Variants in CPNE4 observed in about 807,000 individuals in gnomAD.
CPNE4 encodes the protein copine 4.
A neutral mutation model predicts 67.9 loss-of-function variants in CPNE4; 25 were observed. The ratio of observed to expected loss-of-function variants is 0.37; its 90% CI spans 0.27 to 0.51. The LOEUF is 0.51. Ranked by LOEUF, CPNE4 falls within the 20% of genes least tolerant of loss-of-function variation. CPNE4 has a pLI of 0.93. For missense variants in CPNE4, 464 were observed against 690.8 expected (o/e 0.67, Z 3.68); for synonymous variants, 242 against 244.9 (o/e 0.99, Z 0.11).
chr3:131,560,773 C>T (rs1006734031), intron 11 of CPNE4, among the ~76,000 whole-genome samples: 1 of 152,066 alleles, frequency 6.6e-6, no homozygotes, highest in Non-Finnish European at 1.5e-5. Flanking sequence ...AACACTGGGT[C>T]TCAACCCTGG....
chr3:131,874,734 A>C (rs1218354302), intron 2 of CPNE4, among the ~76,000 whole-genome samples: 2 of 152,258 alleles, frequency 1.3e-5, no homozygotes, highest in Non-Finnish European at 2.9e-5. Flanking sequence ...CACTGAAATC[A>C]TTTAATTACA....
chr3:131,799,904 G>A (rs1048188979), intron 2 of CPNE4, among the ~76,000 whole-genome samples: 1 of 80,428 alleles, frequency 1.2e-5, no homozygotes, highest in Non-Finnish European at 2.4e-5. Flanking sequence ...TTGTTGGTGC[G>A]TGTGTGTGTG....
chr3:131,756,287 G>T (rs1358629136), intron 2 of CPNE4, among the ~76,000 whole-genome samples: 1 of 152,110 alleles, frequency 6.6e-6, no homozygotes, highest in East Asian at 1.9e-4. Flanking sequence ...GAAAAGACTA[G>T]GTCTTTCTCA....
At chr3:131,779,538 C>A (rs76045759) in intron 2 of CPNE4, among the ~76,000 whole-genome samples, 2,732 of 152,154 alleles carry the variant, frequency 0.018, 37 homozygotes, top group Non-Finnish European at 0.029. Context: ...CATACACCTA[C>A]AACCATGTCA....
intron 2 of CPNE4, among the ~76,000 whole-genome samples, chr3:131,863,279 G>A (rs1424442160): frequency 6.6e-6 from 1 of 152,100 alleles, no homozygotes; most frequent in South Asian, 2.1e-4. Flanking sequence ...CTGAGGAATC[G>A]CCACACTGAC....
intron 7 of CPNE4, among the ~76,000 whole-genome samples, chr3:131,657,704 TTGTGTGTGTGTGTGTGTGTG>T (rs56890555): frequency 2.8e-5 from 4 of 140,858 alleles, no homozygotes; most frequent in African/African-American, 1.1e-4. Flanking sequence ...CCAGCTAATT[TTGTGTGTGTGTGTGTGTGTG>T]TGTGTGTGTG....
chr3:131,997,397 AT>A (rs1388897040), intron 1 of CPNE4, among the ~76,000 whole-genome samples: 1 of 152,136 alleles, frequency 6.6e-6, no homozygotes, highest in East Asian at 1.9e-4. Flanking sequence ...CTCCTGAGAA[AT>A]GGTCTACTTA....
At chr3:131,924,072 T>C (rs2070823315) in intron 1 of CPNE4, among the ~76,000 whole-genome samples, 1 of 152,160 alleles carries the variant, frequency 6.6e-6, no homozygotes, top group Non-Finnish European at 1.5e-5. Flanking sequence ...AGTGGCTACT[T>C]GCAGGGTCTT....
chr3:131,628,838 C>CA (rs536121601), intron 7 of CPNE4, among the ~76,000 whole-genome samples: 3,528 of 86,654 alleles, frequency 0.041, 37 homozygotes, highest in East Asian at 0.11. Flanking sequence ...TTGATCTTTT[C>CA]AAAAAAAACC....
intron 5 of CPNE4, among the ~76,000 whole-genome samples, chr3:131,689,145 C>T (rs776604576): frequency 7.9e-5 from 12 of 152,184 alleles, no homozygotes; most frequent in Non-Finnish European, 1.6e-4. Context: ...AACTCTACCA[C>T]ATATAATCTG....
chr3:131,763,369 A>T lies in CPNE4; in HGVS notation c.181-39744T>A, dbSNP rs149684055. Among the ~76,000 whole-genome samples, 1,142 of 152,212 alleles carry T rather than the reference A, an allele frequency of 7.5e-3. 17 individuals are homozygous for T. Among genetic ancestry groups the T allele is most frequent in the African/African-American group, 0.026 (1,089 of 41,536 alleles). ...CTGTCTACTGCTATTGTGTACTTAT[A>T]ATAACTTAGGTTATTCTTCCTCCAA... On this transcript the variant is annotated intron_variant, in intron 2 of 15. Transcript: ENST00000429747.
At chr3:131,722,718 C>G (rs181555314) in intron 3 of CPNE4, among the ~76,000 whole-genome samples, 37 of 152,282 alleles carry the variant, frequency 2.4e-4, no homozygotes, top group Admixed American at 1.1e-3. Flanking sequence ...TATCTGGGCA[C>G]AGGGACTGTT....
intron 1 of CPNE4, 116 bp from the exon 2 acceptor site, chr3:131,905,560 T>G: frequency 1.1e-6 from 1 of 890,458 alleles, no homozygotes; most frequent in Non-Finnish European, 1.7e-6. Context: ...TTTCAAACAT[T>G]GAAGGTATTT....
intron 10 of CPNE4, among the ~76,000 whole-genome samples, chr3:131,572,231 A>G (rs1196728472): frequency 2.0e-5 from 3 of 152,102 alleles, no homozygotes; most frequent in Non-Finnish European, 4.4e-5. Flanking sequence ...CAGGAAACAA[A>G]AAGTCCACTC....
In CPNE4 at chr3:131,533,686, A is replaced by G. The variant is rs1335316781; in HGVS notation, c.*1509T>C. ...TGTGCATTTGGTGACATGTATTTGC[A>G]AGATTAGGATCTATAATTGTAACTG... On this transcript the variant is annotated 3_prime_UTR_variant, in exon 16 of 16. Coordinates refer to ENST00000429747, the MANE Select transcript of CPNE4 (RefSeq NM_130808.3). The G allele has an allele frequency of 6.6e-6, 1 of 152,220 alleles. No individual in the cohort carries two copies. The highest frequency in any genetic ancestry group is 6.5e-5 in the Admixed American group (1 of 15,290). The allele number at this position is 152,220 out of a possible 1,614,324, so 9.4% of individuals were successfully genotyped here.
At chr3:131,952,013 C>T (rs1411554828) in intron 1 of CPNE4, among the ~76,000 whole-genome samples, 1 of 151,892 alleles carries the variant, frequency 6.6e-6, no homozygotes, top group African/African-American at 2.4e-5. Flanking sequence ...AGCGTCTCTG[C>T]CTGGCCGCCC....
intron 2 of CPNE4, among the ~76,000 whole-genome samples, chr3:131,733,232 C>T (rs767899613): frequency 7.9e-5 from 12 of 152,196 alleles, no homozygotes; most frequent in Non-Finnish European, 1.8e-4. Context: ...CATCTGACCA[C>T]AGCAATTTTT....
intron 2 of CPNE4, among the ~76,000 whole-genome samples, chr3:131,727,776 C>T (rs1212221891): frequency 6.6e-6 from 1 of 152,184 alleles, no homozygotes; most frequent in Non-Finnish European, 1.5e-5. Context: ...CTTCCATTCC[C>T]AAGAAACTAC....
At chr3:131,703,279 C>T (rs1208378835) in intron 3 of CPNE4, among the ~76,000 whole-genome samples, 1 of 152,234 alleles carries the variant, frequency 6.6e-6, no homozygotes. Context: ...TTGTGCCTGA[C>T]ATCAAGGTTA....
Sources: allele counts gnomAD v4.1 joint callset (sites outside exome capture counted in the v4.1 genomes callset), GRCh38; gene constraint gnomAD v4.1.1; transcripts MANE v1.5; gene names NCBI Gene and HGNC (gene_info 2026-07-23, HGNC 2026-07-21).